LMBRD1: variants seen among roughly 807,000 people sequenced by gnomAD.
LMBRD1 encodes LMBR1 domain containing 1, also known as lysosomal cobalamin transport escort protein LMBD1.
In LMBRD1, 64 loss-of-function variants were observed where a neutral mutation model predicts 74.8. That is an observed-to-expected ratio of 0.86 (90% CI 0.70 to 1.05). LMBRD1 has a LOEUF of 1.05. LMBRD1 is among the 50% of genes least tolerant of loss of function. The pLI is 0.00. For missense variants in LMBRD1, 652 were observed against 645.9 expected (o/e 1.01, Z -0.10); for synonymous variants, 204 against 216.3 (o/e 0.94, Z 0.50).
intron 3 of LMBRD1, among the ~76,000 whole-genome samples, chr6:69,777,703 G>A (rs547350060): frequency 2.6e-4 from 40 of 151,884 alleles, no homozygotes; most frequent in African/African-American, 9.2e-4. Flanking sequence ...GGGGGAGAGA[G>A]GGCATTCATG....
intron 14 of LMBRD1, among the ~76,000 whole-genome samples, chr6:69,680,053 T>C (rs1334810096): frequency 6.6e-6 from 1 of 152,104 alleles, no homozygotes; most frequent in Admixed American, 6.6e-5. Context: ...GTCTCTACAG[T>C]TGAAACAGAC....
chr6:69,759,601 A>T (rs1048635448), intron 3 of LMBRD1, among the ~76,000 whole-genome samples: 2 of 152,126 alleles, frequency 1.3e-5, no homozygotes, highest in Non-Finnish European at 2.9e-5. Flanking sequence ...AAAAAGCTTT[A>T]TATGATATCT....
At position 69,699,159 on chromosome 6, in the gene LMBRD1, G is replaced by A; in HGVS notation, c.1222C>T (p.Gln408Ter). 6.2e-7 allele frequency: 1 copy of A among 1,611,820 alleles called. No individual in the cohort carries two copies. Among genetic ancestry groups the A allele is most frequent in the Non-Finnish European group, 8.5e-7 (1 of 1,178,354 alleles). The change falls in exon 13 of 16, where the codon CAA (glutamine) becomes TAA (stop). Residue 408 changes from glutamine to a stop codon, truncating the protein, a stop_gained. Coordinates refer to ENST00000649934, the MANE Select transcript of LMBRD1 (RefSeq NM_018368.4). LOFTEE classifies it high-confidence loss of function. ...YKIRRGRTRP[Q>*]ALLFLCMILL... ...ATCATGCAGAGAAAAAGGAGTGCTT[G>A]GGGCCTGGTTCTACCTCTTCTGATT...
At chr6:69,759,954 C>T (rs1562116000) in intron 3 of LMBRD1, among the ~76,000 whole-genome samples, 2 of 152,128 alleles carry the variant, frequency 1.3e-5, no homozygotes, top group African/African-American at 2.4e-5. Context: ...AGTGAACTCT[C>T]ATTTCACACT....
In LMBRD1 at chr6:69,749,389, T is replaced by C; in HGVS notation, c.425A>G (p.Lys142Arg). The change falls in exon 5 of 16, where the codon AAG (lysine) becomes AGG (arginine). Residue 142 changes from lysine (K) to arginine (R), a missense_variant. Physicochemically the swap from Lys to Arg is conservative, Grantham distance 26 (BLOSUM62 2). Transcript: ENST00000649934. ...AATCACAACAAATCCCAAAGTATAC[T>C]TGAGTGCCGTTTTAATTTGCTAGAT... ...SKCTQIKTAL[K>R]YTLGFVVICA... The C allele has an allele frequency of 6.2e-7, 1 of 1,612,706 alleles. No homozygotes were observed. Among genetic ancestry groups the C allele is most frequent in the South Asian group, 1.1e-5 (1 of 91,012 alleles).
At chr6:69,730,090 CTAT>C (rs1189097185) in intron 7 of LMBRD1, among the ~76,000 whole-genome samples, 3 of 151,936 alleles carry the variant, frequency 2.0e-5, no homozygotes, top group Admixed American at 6.6e-5. Context: ...TAAAATGCTT[CTAT>C]TAATAGGTTG....
intron 14 of LMBRD1, among the ~76,000 whole-genome samples, chr6:69,687,775 T>C (rs1156834823): frequency 6.6e-6 from 1 of 152,182 alleles, no homozygotes; most frequent in Non-Finnish European, 1.5e-5. Context: ...ATTAATCTTA[T>C]AAGCTAAATC....
chr6:69,686,836 T>C (rs1765774148), intron 14 of LMBRD1, among the ~76,000 whole-genome samples: 1 of 152,198 alleles, frequency 6.6e-6, no homozygotes, highest in African/African-American at 2.4e-5. Flanking sequence ...AGCCTATCAT[T>C]TGTAAGTTTT....
intron 5 of LMBRD1, among the ~76,000 whole-genome samples, chr6:69,742,164 T>C (rs1451698877): frequency 6.6e-6 from 1 of 152,058 alleles, no homozygotes; most frequent in Non-Finnish European, 1.5e-5. Flanking sequence ...AATTAATATA[T>C]AATATTTTGA....
chr6:69,770,246 A>G (rs1178827754), intron 3 of LMBRD1, among the ~76,000 whole-genome samples: 1 of 152,198 alleles, frequency 6.6e-6, no homozygotes, highest in East Asian at 1.9e-4. Context: ...ACAGCAGTAC[A>G]GCTGTAGGTC....
chr6:69,719,209 A>C, intron 7 of LMBRD1, 128 bp from the exon 8 acceptor site: 1 of 790,032 alleles, frequency 1.3e-6, no homozygotes, highest in Non-Finnish European at 2.1e-6. Flanking sequence ...CACTGAAAAC[A>C]TGGTATATGG....
chr6:69,694,737 C>T (rs541459710), intron 14 of LMBRD1, among the ~76,000 whole-genome samples: 2 of 152,248 alleles, frequency 1.3e-5, no homozygotes, highest in Admixed American at 6.5e-5. Context: ...ATTCCTTCCC[C>T]CAAACAACCT....
chr6:69,787,322 G>C (rs918445230), intron 2 of LMBRD1, among the ~76,000 whole-genome samples: 1 of 151,974 alleles, frequency 6.6e-6, no homozygotes, highest in African/African-American at 2.4e-5. Context: ...AATCCTCACC[G>C]AGCCGCCCAA....
intron 5 of LMBRD1, among the ~76,000 whole-genome samples, chr6:69,744,030 A>C (rs1767164302): frequency 6.6e-6 from 1 of 152,250 alleles, no homozygotes; most frequent in Non-Finnish European, 1.5e-5. Context: ...ATAAAGTTAT[A>C]ATATAGATAT....
At position 69,795,620 on chromosome 6, in the gene LMBRD1, C is replaced by A. The variant is rs190670719; in HGVS notation, c.69+1193G>T. On this transcript the variant is annotated intron_variant, in intron 1 of 15. Transcript: ENST00000649934. ...TGGACTGGAAAAGCCAGGGGGCTCT[C>A]CAAATACAGGACTGGGTGGCTGCAG... Among the ~76,000 whole-genome samples the A allele has an allele frequency of 2.8e-3, 428 of 152,312 alleles. 1 individual carries two copies. The highest frequency in any genetic ancestry group is 6.8e-3 in the Middle Eastern group (2 of 294).
At chr6:69,734,912 T>C (rs764035609) in intron 7 of LMBRD1, among the ~76,000 whole-genome samples, 12 of 152,180 alleles carry the variant, frequency 7.9e-5, no homozygotes, top group Non-Finnish European at 4.4e-5. Context: ...ACGATGGTTG[T>C]GGTCATAGTG....
intron 7 of LMBRD1, among the ~76,000 whole-genome samples, chr6:69,725,756 G>A (rs575686872): frequency 3.3e-5 from 5 of 152,180 alleles, no homozygotes; most frequent in Non-Finnish European, 7.4e-5. Flanking sequence ...GAAGACCTAA[G>A]ATCAAAGACC....
intron 7 of LMBRD1, among the ~76,000 whole-genome samples, chr6:69,733,318 A>G (rs974745947): frequency 1.3e-5 from 2 of 152,200 alleles, no homozygotes; most frequent in Non-Finnish European, 1.5e-5. Context: ...AGGTGCCACA[A>G]GGAAAGTCCA....
chr6:69,756,362 C>CAAAAAAAA (rs57798368), intron 3 of LMBRD1, among the ~76,000 whole-genome samples: 75 of 110,384 alleles, frequency 6.8e-4, no homozygotes, highest in African/African-American at 2.4e-3. Flanking sequence ...GACTCAATCT[C>CAAAAAAAA]AAAAAAAAAA....
Sources: gnomAD v4.1 joint callset for allele counts (sites outside exome capture counted in the v4.1 genomes callset) on GRCh38, gnomAD v4.1.1 for gene constraint, MANE v1.5 for transcripts, NCBI Gene and HGNC (gene_info 2026-07-23, HGNC 2026-07-21) for gene names.